DNAH11: variants seen among roughly 807,000 people sequenced by gnomAD.
The protein encoded by DNAH11 is dynein axonemal heavy chain 11.
Under a neutral mutation model 526.0 loss-of-function variants are expected in DNAH11, and 442 were observed. The ratio of observed to expected loss-of-function variants is 0.84; its 90% CI spans 0.78 to 0.91. DNAH11 has a LOEUF of 0.91. DNAH11 is among the 40% of genes least tolerant of loss of function. The pLI is 0.00. For synonymous variants in DNAH11, 2,461 were observed against 1,935.9 expected, an observed-to-expected ratio of 1.27 and a Z score of -7.12; for missense variants, 6,989 against 5,448.7, an observed-to-expected ratio of 1.28 and a Z score of -8.90.
At chr7:21,607,008 T>C (rs1287460475) in intron 20 of DNAH11, among the ~76,000 whole-genome samples, 2 of 152,288 alleles carry the variant, frequency 1.3e-5, no homozygotes, top group East Asian at 3.9e-4. Flanking sequence ...TAAGGAGTAT[T>C]GACTCACACC....
intron 35 of DNAH11, among the ~76,000 whole-genome samples, chr7:21,694,183 A>G (rs990939726): frequency 4.6e-5 from 7 of 152,064 alleles, no homozygotes; most frequent in African/African-American, 1.4e-4. Flanking sequence ...TTATTTTTTA[A>G]GTTTTATTTT....
At chr7:21,608,875 A>G (rs1182557306) in intron 20 of DNAH11, among the ~76,000 whole-genome samples, 3 of 152,304 alleles carry the variant, frequency 2.0e-5, no homozygotes, top group South Asian at 2.1e-4. Flanking sequence ...TTTTGAATGT[A>G]GTAGGGCTGG....
chr7:21,648,757 G>T (rs1039010416), intron 28 of DNAH11, among the ~76,000 whole-genome samples: 2 of 152,146 alleles, frequency 1.3e-5, no homozygotes, highest in African/African-American at 4.8e-5. Context: ...ATATTCATCA[G>T]TATCAAGGAC....
chr7:21,650,825 A>T (rs1042323105), intron 28 of DNAH11, among the ~76,000 whole-genome samples: 7 of 151,694 alleles, frequency 4.6e-5, no homozygotes, highest in African/African-American at 1.7e-4. Flanking sequence ...TTTTTAGTAG[A>T]GTTGGCGTTT....
At chr7:21,827,300 A>G (rs1300304770) in intron 65 of DNAH11, among the ~76,000 whole-genome samples, 2 of 152,164 alleles carry the variant, frequency 1.3e-5, no homozygotes, top group South Asian at 2.1e-4. Context: ...GGAAAGATTT[A>G]TCAACATGTA....
At chr7:21,849,721 C>T (rs1358100434) in intron 66 of DNAH11, among the ~76,000 whole-genome samples, 1 of 151,924 alleles carries the variant, frequency 6.6e-6, no homozygotes, top group Non-Finnish European at 1.5e-5. Context: ...AATTTATTTC[C>T]TGTGGACTCT....
intron 54 of DNAH11, 27 bp from the exon 55 acceptor site, chr7:21,765,401 T>G: frequency 6.2e-7 from 1 of 1,613,288 alleles, no homozygotes; most frequent in Non-Finnish European, 8.5e-7. Context: ...ACCCGCCTGT[T>G]TCTGCCTTGC....
At chr7:21,591,655 A>C in intron 14 of DNAH11, 78 bp downstream of exon 14, 2 of 1,348,804 alleles carry the variant, frequency 1.5e-6, no homozygotes, top group Non-Finnish European at 2.0e-6. Flanking sequence ...TAACCTAATA[A>C]TGTGGGACTC....
chr7:21,778,799 G>C (rs1364773741), intron 56 of DNAH11, among the ~76,000 whole-genome samples, 159 bp from the exon 57 acceptor site: 1 of 152,142 alleles, frequency 6.6e-6, no homozygotes, highest in African/African-American at 2.4e-5. Context: ...AAACAATGTG[G>C]CTGCATTTTT....
chr7:21,879,512 A>C (rs546828456), intron 74 of DNAH11, among the ~76,000 whole-genome samples: 1 of 152,062 alleles, frequency 6.6e-6, no homozygotes, highest in South Asian at 2.1e-4. Context: ...CCAATTTTCC[A>C]TATATCACCC....
At chr7:21,895,415 C>G (rs1348079441) in intron 79 of DNAH11, among the ~76,000 whole-genome samples, 1 of 152,198 alleles carries the variant, frequency 6.6e-6, no homozygotes, top group Non-Finnish European at 1.5e-5. Context: ...TTCTCATAGA[C>G]AACCTTTGAA....
At position 21,873,356 on chromosome 7, in the gene DNAH11, G is replaced by A. The variant is rs375793461; in HGVS notation, c.12050G>A (p.Arg4017Lys). The change falls in exon 74 of 82, where the codon AGG (arginine) becomes AAG (lysine). Residue 4017 changes from arginine to lysine, a missense_variant. By Grantham distance (26) the Arg-to-Lys change is conservative (BLOSUM62 2). Transcript: ENST00000409508. ...AGCCAAGGAAGCCACAGAGATTACA[G>A]GGTTTTCATGAGTGCTGAGTCTGCA... ...RFSQGSHRDYRVFMSAESAPT... is the reference protein window; with the variant it reads ...RFSQGSHRDYKVFMSAESAPT... The A allele has an allele frequency of 2.5e-6, 4 of 1,613,644 alleles. No homozygotes were observed. The African/African-American group carries it at 5.3e-5, about 22-fold the overall frequency.
chr7:21,712,211 A>G (rs1027123967), intron 42 of DNAH11, among the ~76,000 whole-genome samples: 11 of 152,112 alleles, frequency 7.2e-5, no homozygotes, highest in African/African-American at 2.7e-4. Flanking sequence ...ATATTGTAGT[A>G]TTTCCTTTTT....
chr7:21,739,130 G>A (rs192506699), intron 47 of DNAH11, among the ~76,000 whole-genome samples: 4 of 152,034 alleles, frequency 2.6e-5, no homozygotes, highest in South Asian at 2.1e-4. Context: ...AAGACTGTCC[G>A]GAAATCATGT....
At chr7:21,761,056 G>T (rs755917858) in intron 54 of DNAH11, among the ~76,000 whole-genome samples, 11 of 152,070 alleles carry the variant, frequency 7.2e-5, no homozygotes, top group African/African-American at 1.2e-4. Context: ...AATGTTCCTT[G>T]TGACAACTGG....
chr7:21,748,360 C>G (rs893508164), intron 51 of DNAH11, among the ~76,000 whole-genome samples: 1 of 151,962 alleles, frequency 6.6e-6, no homozygotes. Flanking sequence ...GGTGAGTGCC[C>G]GTAATCCAAC....
intron 20 of DNAH11, among the ~76,000 whole-genome samples, chr7:21,614,694 G>A (rs758598784): frequency 2.2e-4 from 34 of 152,056 alleles, no homozygotes; most frequent in Admixed American, 4.6e-4. Context: ...AATCTGTAGG[G>A]TATTTTTTAA....
At chr7:21,792,561 C>G (rs1788521365) in intron 61 of DNAH11, among the ~76,000 whole-genome samples, 1 of 152,118 alleles carries the variant, frequency 6.6e-6, no homozygotes, top group Non-Finnish European at 1.5e-5. Context: ...ATTATTGCTT[C>G]AATCTCATTA....
intron 28 of DNAH11, among the ~76,000 whole-genome samples, chr7:21,645,907 A>G (rs1428350115): frequency 6.6e-6 from 1 of 152,176 alleles, no homozygotes; most frequent in East Asian, 1.9e-4. Flanking sequence ...CTTAAATTGG[A>G]CACTGAAGTC....
Sources: allele counts gnomAD v4.1 joint callset (sites outside exome capture counted in the v4.1 genomes callset), GRCh38; gene constraint gnomAD v4.1.1; transcripts MANE v1.5; gene names NCBI Gene and HGNC (gene_info 2026-07-23, HGNC 2026-07-21).